Variants in SYNGR1 observed in about 807,000 individuals in gnomAD.
The protein encoded by SYNGR1 is synaptogyrin-1.
A neutral mutation model predicts 26.1 loss-of-function variants in SYNGR1; 14 were observed. That is an observed-to-expected ratio of 0.54 (90% CI 0.35 to 0.84). The LOEUF (loss-of-function observed/expected upper bound fraction) is 0.84. Among genes scored for constraint, SYNGR1 ranks in the 40% least tolerant of loss-of-function variants. The probability of loss-of-function intolerance (pLI) is 0.01; values close to 1 mark genes in which losing one functional copy is unlikely to be tolerated. For missense variants in SYNGR1, 319 were observed against 332.9 expected (o/e 0.96, Z 0.33); for synonymous variants, 141 against 150.1 (o/e 0.94, Z 0.44).
chr22:39,371,490 A>G (rs981621212), intron 1 of SYNGR1, among the ~76,000 whole-genome samples: 1 of 150,340 alleles, frequency 6.7e-6, no homozygotes, highest in African/African-American at 2.5e-5. Flanking sequence ...AAAAAAAAAA[A>G]AAGAAATTAT....
Position 39,381,827 on chromosome 22 carries a change from G to A in SYNGR1, c.615G>A (p.Pro205=), listed in dbSNP as rs757656547. 27 of 1,612,550 alleles carry A rather than the reference G, an allele frequency of 1.7e-5. No individual in the cohort carries two copies. Among genetic ancestry groups the A allele is most frequent in the South Asian group, 6.6e-5 (6 of 91,070 alleles). Residue 205 remains proline, a synonymous_variant, in exon 4 of 4, where the codon CCG becomes CCA. Coordinates refer to ENST00000328933, the MANE Select transcript of SYNGR1 (RefSeq NM_004711.5). ...PYAPYVEPTG[P]DPAGMGGTYQ... is the part of the protein sequence containing the mutation. ...CGCCCTACGTGGAGCCCACTGGGCC[G>A]GATCCCGCCGGTATGGGCGGCACCT...
In SYNGR1 at chr22:39,380,616, C is replaced by CTTTT. The variant is rs58877789; in HGVS notation, c.484-1059_484-1056dup. ...GTCTTGCTATGTTGCCCAAGCTGGC[C>CTTTT]TTTTTTTTTTTTTTTTTTTTTTTTG... On this transcript the variant is annotated intron_variant, in intron 3 of 3. Transcript: ENST00000328933. 1.3e-3 allele frequency among the ~76,000 whole-genome samples: 89 copies of CTTTT among 69,958 alleles called. 1 individual carries two copies. The highest frequency in any genetic ancestry group is 3.0e-3 in the African/African-American group (42 of 13,862). The allele number at this position is 69,958 out of a possible 152,430, so 45.9% of individuals were successfully genotyped here. A position where few individuals can be genotyped will look rare whatever the true frequency, so the allele number is the denominator to read the frequency against.
chr22:39,370,467 G>C (rs77654137), intron 1 of SYNGR1, among the ~76,000 whole-genome samples: 237 of 152,038 alleles, frequency 1.6e-3, no homozygotes, highest in Non-Finnish European at 2.4e-3. Context: ...GTAGAGATGC[G>C]GTTTTACAAT....
chr22:39,358,385 G>A (rs1249760998), intron 1 of SYNGR1, among the ~76,000 whole-genome samples: 2 of 152,220 alleles, frequency 1.3e-5, no homozygotes, highest in Non-Finnish European at 2.9e-5. Flanking sequence ...GCCCGAGCTT[G>A]CATTGGCAAC....
chr22:39,373,596 C>A (rs987939362), intron 1 of SYNGR1, among the ~76,000 whole-genome samples: 2 of 152,174 alleles, frequency 1.3e-5, no homozygotes, highest in Non-Finnish European at 2.9e-5. Context: ...GATCCTCCCC[C>A]TCATCTTCCC....
At chr22:39,367,931 C>T (rs1031061765) in intron 1 of SYNGR1, among the ~76,000 whole-genome samples, 4 of 152,130 alleles carry the variant, frequency 2.6e-5, no homozygotes, top group Non-Finnish European at 5.9e-5. Flanking sequence ...AGCCATATTC[C>T]TTCCCACCTC....
intron 3 of SYNGR1, chr22:39,377,661 A>C: frequency 6.2e-7 from 1 of 1,613,878 alleles, no homozygotes; most frequent in Non-Finnish European, 8.5e-7. Flanking sequence ...GGAGTACAGC[A>C]CACTGTTCCC....
chr22:39,370,809 C>T (rs996287033), intron 1 of SYNGR1, among the ~76,000 whole-genome samples: 4 of 151,720 alleles, frequency 2.6e-5, no homozygotes, highest in African/African-American at 7.3e-5. Flanking sequence ...AGTATAGAGA[C>T]AGGGTTTCAC....
intron 1 of SYNGR1, among the ~76,000 whole-genome samples, chr22:39,366,715 T>G (rs1279562269): frequency 6.6e-6 from 1 of 152,188 alleles, no homozygotes; most frequent in African/African-American, 2.4e-5. Flanking sequence ...GCCCCAGGCC[T>G]GTCCCTCACT....
intron 1 of SYNGR1, among the ~76,000 whole-genome samples, chr22:39,370,533 G>A (rs188488447): frequency 1.3e-3 from 192 of 152,086 alleles, no homozygotes; most frequent in Non-Finnish European, 1.5e-3. Flanking sequence ...ATTTATGAAT[G>A]TACCACACTT....
chr22:39,364,106 GA>G, intron 1 of SYNGR1: 2 of 1,604,808 alleles, frequency 1.2e-6, no homozygotes, highest in South Asian at 1.1e-5. Flanking sequence ...GCAGAGGGGA[GA>G]TACCATCTCC....
At chr22:39,378,227 A>G (rs1925377715) in intron 3 of SYNGR1, 2 of 1,050,014 alleles carry the variant, frequency 1.9e-6, no homozygotes, top group African/African-American at 1.7e-5. Flanking sequence ...TGTGACCCTG[A>G]CAAACCCGTG....
At position 39,350,952 on chromosome 22, in the gene SYNGR1, G is replaced by T. The variant is rs1163829769; in HGVS notation, c.99+843G>T. 1.3e-5 allele frequency among the ~76,000 whole-genome samples: 2 copies of T among 152,184 alleles called. No homozygotes were observed. The highest frequency in any genetic ancestry group is 2.9e-5 in the Non-Finnish European group (2 of 68,030). On this transcript the variant is annotated intron_variant, in intron 1 of 3. Coordinates refer to ENST00000328933, the MANE Select transcript of SYNGR1 (RefSeq NM_004711.5). This position sits in a 1 kb window ranked among gnomAD's most constrained non-coding sequence, Gnocchi z 4.3. The stretch of plus-strand genomic sequence containing the variant: ...AGGGTGGCCTCCAGCCTAGCTGGGG[G>T]GCAGGGTCCTCAGTGCAGAGGGCTG...
At chr22:39,369,436 G>C (rs142320016) in intron 1 of SYNGR1, among the ~76,000 whole-genome samples, 1 of 152,110 alleles carries the variant, frequency 6.6e-6, no homozygotes, top group Admixed American at 6.5e-5. Flanking sequence ...AGACTGAATC[G>C]AGTCGCCTGA....
chr22:39,356,999 T>G (rs1783201764), intron 1 of SYNGR1, among the ~76,000 whole-genome samples: 1 of 152,156 alleles, frequency 6.6e-6, no homozygotes, highest in African/African-American at 2.4e-5. Flanking sequence ...GGCTCACACT[T>G]GTAATCCCAG....
chr22:39,367,822 C>CAAA (rs749046250), intron 1 of SYNGR1, among the ~76,000 whole-genome samples: 6 of 54,340 alleles, frequency 1.1e-4, no homozygotes, highest in East Asian at 5.6e-4. Flanking sequence ...GACCCTGTCT[C>CAAA]AAAAAAAAAA....
chr22:39,363,286 T>TG (rs1050687215), intron 1 of SYNGR1, among the ~76,000 whole-genome samples: 4 of 132,456 alleles, frequency 3.0e-5, no homozygotes, highest in Admixed American at 7.9e-5. Flanking sequence ...AGTCTAGACC[T>TG]GGGGGGTGAC....
Position 39,381,800 on chromosome 22 carries a change from C to T in SYNGR1, c.588C>T (p.Tyr196=), listed in dbSNP as rs143119099. ...MDPSQDSSMP[Y]APYVEPTGPD... The stretch of plus-strand genomic sequence containing the variant: ...CCAGCCAGGACTCCAGCATGCCTTA[C>T]GCGCCCTACGTGGAGCCCACTGGGC... The change falls in exon 4 of 4, where the codon TAC becomes TAT. Residue 196 remains tyrosine (Y), a synonymous_variant. Coordinates refer to ENST00000328933, the MANE Select transcript of SYNGR1 (RefSeq NM_004711.5). The T allele has an allele frequency of 2.5e-4, 387 of 1,560,692 alleles. No individual in the cohort carries two copies. Among genetic ancestry groups the T allele is most frequent in the Non-Finnish European group, 3.0e-4 (350 of 1,164,458 alleles).
At chr22:39,375,925 G>A (rs1925259788) in intron 2 of SYNGR1, 127 bp from the exon 3 acceptor site, 1 of 1,281,762 alleles carries the variant, frequency 7.8e-7, no homozygotes, top group African/African-American at 1.5e-5. Flanking sequence ...GTCCCTTTGG[G>A]GGTGGGGGAG....
Sources: gnomAD v4.1 joint callset for allele counts (sites outside exome capture counted in the v4.1 genomes callset) on GRCh38, gnomAD v4.1.1 for gene constraint, Gnocchi (gnomAD v3.1) non-coding constraint, MANE v1.5 for transcripts, NCBI Gene and HGNC (gene_info 2026-07-23, HGNC 2026-07-21) for gene names.